The following RYR3 variants were observed in gnomAD, a reference collection of about 807,000 sequenced individuals.
RYR3 encodes the protein brain ryanodine receptor-calcium release channel.
In RYR3, 207 loss-of-function variants were observed where a neutral mutation model predicts 584.3. The ratio of observed to expected loss-of-function variants is 0.35; its 90% CI spans 0.32 to 0.40. The LOEUF is 0.40. Ranked by LOEUF, RYR3 falls within the 10% of genes least tolerant of loss-of-function variation. RYR3 has a pLI of 1.00. For synonymous variants in RYR3, 2,416 were observed against 2,248.5 expected (o/e 1.07, Z -2.11); for missense variants, 5,616 against 6,089.2 (o/e 0.92, Z 2.59).
chr15:33,680,378 G>A (rs1017088686), intron 38 of RYR3, among the ~76,000 whole-genome samples: 3 of 152,166 alleles, frequency 2.0e-5, no homozygotes, highest in Admixed American at 1.3e-4. Flanking sequence ...TGAGTTTAGC[G>A]ATGGAGCCAG....
intron 17 of RYR3, among the ~76,000 whole-genome samples, chr15:33,602,175 C>T (rs907724781): frequency 2.0e-5 from 3 of 152,228 alleles, no homozygotes; most frequent in Non-Finnish European, 4.4e-5. Context: ...AATCTTCCCT[C>T]TGAAGTGCAG....
At chr15:33,552,477 T>G (rs1329474406) in intron 10 of RYR3, among the ~76,000 whole-genome samples, 1 of 152,214 alleles carries the variant, frequency 6.6e-6, no homozygotes, top group African/African-American at 2.4e-5. Context: ...GGGGCAAAAG[T>G]CACCCATGAG....
chr15:33,495,559 C>T (rs1345115673), intron 2 of RYR3, among the ~76,000 whole-genome samples: 1 of 152,154 alleles, frequency 6.6e-6, no homozygotes, highest in Non-Finnish European at 1.5e-5. Flanking sequence ...TTCATGGATA[C>T]ATTTAAAATG....
rs143255317 is a variant in RYR3, at chr15:33,629,816, C to G, written c.2680-124C>G. 636 of 581,192 alleles carry G rather than the reference C, an allele frequency of 1.1e-3. 2 individuals are homozygous for G. The highest frequency in any genetic ancestry group is 0.011 in the African/African-American group (572 of 53,050). 36.0% of individuals were successfully genotyped at this position (581,192 alleles called of 1,614,324 possible). A position where few individuals can be genotyped will look rare whatever the true frequency, so the allele number is the denominator to read the frequency against. ...CATCTGTTTGCCGAATAGCAAGTTGCTGTCTTTCTCTTGCCTGATATGGAT... is the reference window on the plus strand; with the variant it reads ...CATCTGTTTGCCGAATAGCAAGTTGGTGTCTTTCTCTTGCCTGATATGGAT... On this transcript the variant is annotated intron_variant, in intron 21 of 103. Coordinates refer to ENST00000634891, the MANE Select transcript of RYR3 (RefSeq NM_001036.6).
chr15:33,386,496 A>G (rs2041613134), intron 1 of RYR3, among the ~76,000 whole-genome samples: 1 of 152,238 alleles, frequency 6.6e-6, no homozygotes, highest in Non-Finnish European at 1.5e-5. Flanking sequence ...AATTGCTGAG[A>G]AGACAATGGA....
In RYR3 at chr15:33,613,260, C is replaced by G. The variant is rs1174681220; in HGVS notation, c.2242C>G (p.Leu748Val). Residue 748 changes from leucine (L) to valine (V), a missense_variant, in exon 19 of 104, where the codon CTC (leucine) becomes GTC (valine). Around this residue, in one of 9 missense-constraint regions of RYR3, gnomAD observed 1,284 missense variants for 1,344.6 expected, o/e 0.95. Transcript: ENST00000634891. ...TGACGTGGTAAGCTGCTGCCTGGACCTCGGGGTGCCCAGCATCTCATTCCG... is the reference window on the plus strand; with the variant it reads ...TGACGTGGTAAGCTGCTGCCTGGACGTCGGGGTGCCCAGCATCTCATTCCG... ...SDDVVSCCLD[L>V]GVPSISFRIN... The G allele has an allele frequency of 2.5e-6, 4 of 1,613,966 alleles. No individual in the cohort carries two copies. Among genetic ancestry groups the G allele is most frequent in the Non-Finnish European group, 3.4e-6 (4 of 1,179,860 alleles).
rs146573898 is a variant in RYR3, at chr15:33,496,923, TA to T, written c.172-6698del. ...CAGTAGATCTGTTTCTTCAAATAGG[TA>T]AAAAAAAAATTCCTTGAAGGACAGA... On this transcript the variant is annotated intron_variant, in intron 2 of 103. Transcript: ENST00000634891. 5.8e-4 allele frequency among the ~76,000 whole-genome samples: 87 copies of T among 150,294 alleles called. No individual in the cohort carries two copies. The South Asian group carries it at 0.011, about 19-fold the overall frequency.
chr15:33,809,066 T>G (rs781629457), intron 70 of RYR3, among the ~76,000 whole-genome samples: 19 of 152,210 alleles, frequency 1.2e-4, no homozygotes, highest in Non-Finnish European at 2.5e-4. Flanking sequence ...TTAATAATTA[T>G]GAAACTCTTT....
intron 102 of RYR3, 28 bp downstream of exon 102, chr15:33,861,206 T>C: frequency 1.3e-6 from 2 of 1,518,006 alleles, no homozygotes; most frequent in Middle Eastern, 1.7e-4. Context: ...ACAAAAGTAA[T>C]GGCAGCTGTA....
Position 33,660,264 on chromosome 15 carries a change from C to T in RYR3, c.4463C>T (p.Pro1488Leu). 1 of 1,555,866 alleles carries T rather than the reference C, an allele frequency of 6.4e-7. No individual in the cohort carries two copies. The highest frequency in any genetic ancestry group is 8.7e-7 in the Non-Finnish European group (1 of 1,149,576). ...AAGAACCCAGTCCCACAGTGTCCAC[C>T]TCGGCTGGACGTCCAAACCATCCAG... ...EEKNPVPQCPPRLDVQTIQPV... is the reference protein window; with the variant it reads ...EEKNPVPQCPLRLDVQTIQPV... Residue 1488 changes from proline to leucine, a missense_variant, in exon 34 of 104, where the codon CCT becomes CTT. Coordinates refer to ENST00000634891, the MANE Select transcript of RYR3 (RefSeq NM_001036.6).
chr15:33,425,934 G>A (rs1001145126), intron 1 of RYR3, among the ~76,000 whole-genome samples: 21 of 152,186 alleles, frequency 1.4e-4, no homozygotes, highest in African/African-American at 2.6e-4. Flanking sequence ...GAGCCACCGC[G>A]CCTGGACTGT....
At chr15:33,350,057 G>A (rs1425455519) in intron 1 of RYR3, among the ~76,000 whole-genome samples, 8 of 151,812 alleles carry the variant, frequency 5.3e-5, no homozygotes, top group African/African-American at 1.7e-4. Flanking sequence ...ATAAACATAC[G>A]TGTGCATGTG....
chr15:33,462,771 G>T (rs2164249), intron 1 of RYR3, among the ~76,000 whole-genome samples: 88,821 of 151,992 alleles, frequency 0.58, 26,553 homozygotes, highest in African/African-American at 0.73. Context: ...CTTCTGTCTC[G>T]TTGGAGCCAC....
intron 2 of RYR3, among the ~76,000 whole-genome samples, chr15:33,474,747 T>C (rs1488250135): frequency 2.6e-5 from 4 of 152,134 alleles, no homozygotes; most frequent in East Asian, 3.9e-4. Context: ...AAGACCCACC[T>C]ATTGGCATGC....
chr15:33,558,721 CCAA>C (rs1292325080), intron 10 of RYR3, among the ~76,000 whole-genome samples: 2 of 152,084 alleles, frequency 1.3e-5, no homozygotes, highest in African/African-American at 4.8e-5. Flanking sequence ...AGCTAGTATA[CCAA>C]CAACAAGACA....
chr15:33,389,676 T>C (rs2676052), intron 1 of RYR3, among the ~76,000 whole-genome samples: 118,957 of 152,190 alleles, frequency 0.78, 46,652 homozygotes, highest in African/African-American at 0.81. Context: ...AACCTTGATG[T>C]ACAATGTGAT....
chr15:33,551,045 C>T (rs980199192), intron 10 of RYR3, among the ~76,000 whole-genome samples: 3 of 152,108 alleles, frequency 2.0e-5, no homozygotes, highest in East Asian at 1.9e-4. Context: ...TAGAAACCGC[C>T]TCCTTTAAGG....
At chr15:33,558,851 A>G (rs2057246822) in intron 10 of RYR3, among the ~76,000 whole-genome samples, 3 of 152,250 alleles carry the variant, frequency 2.0e-5, no homozygotes, top group South Asian at 4.1e-4. Flanking sequence ...TGGACACGCC[A>G]TACCACACAG....
chr15:33,841,694 A>G (rs1463969571), intron 90 of RYR3, 170 bp from the exon 91 acceptor site: 5 of 604,474 alleles, frequency 8.3e-6, no homozygotes, highest in Non-Finnish European at 1.4e-5. Flanking sequence ...CATTGAATAT[A>G]AATTTAATGT....
Sources: allele counts gnomAD v4.1 joint callset (sites outside exome capture counted in the v4.1 genomes callset), GRCh38; gene constraint gnomAD v4.1.1; regional missense constraint gnomAD v4.1.1; transcripts MANE v1.5; gene names NCBI Gene and HGNC (gene_info 2026-07-23, HGNC 2026-07-21).